The following SLC16A2 variants were observed in gnomAD, a reference collection of about 807,000 sequenced individuals.
The protein encoded by SLC16A2 is monocarboxylate transporter 8.
Under a neutral mutation model 27.2 loss-of-function variants are expected in SLC16A2, and 3 were observed. The observed-to-expected ratio is 0.11, with a 90% CI of 0.05 to 0.28. The LOEUF (loss-of-function observed/expected upper bound fraction) is 0.28, where lower values mean the gene tolerates loss of function less well. Among genes scored for constraint, SLC16A2 ranks in the 10% least tolerant of loss-of-function variants. SLC16A2 has a pLI of 1.00. For missense variants in SLC16A2, 295 were observed against 458.5 expected (o/e 0.64, Z 3.26); for synonymous variants, 202 against 187.8 (o/e 1.08, Z -0.62).
chrX:74,479,996 T>C (rs992255866), intron 1 of SLC16A2, among the ~76,000 whole-genome samples: 5 of 112,156 alleles, frequency 4.5e-5, no homozygotes, highest in African/African-American at 1.6e-4. Context: ...GGAGAACCAC[T>C]ACTCTCTTCA....
chrX:74,521,262 C>T, intron 2 of SLC16A2, 128 bp downstream of exon 2: 1 of 803,338 alleles, frequency 1.2e-6, no homozygotes, highest in South Asian at 2.2e-5. Flanking sequence ...CTCAAAGATC[C>T]TGCACCCTGG....
At chrX:74,494,353 A>G (rs1052168100) in intron 1 of SLC16A2, among the ~76,000 whole-genome samples, 3 of 111,484 alleles carry the variant, frequency 2.7e-5, no homozygotes, top group Non-Finnish European at 5.6e-5. Context: ...AGCTTCAACA[A>G]TTATCAGCGC....
intron 1 of SLC16A2, among the ~76,000 whole-genome samples, chrX:74,496,066 C>A (rs939425855): frequency 9.0e-6 from 1 of 111,650 alleles, no homozygotes; most frequent in African/African-American, 3.3e-5. Flanking sequence ...GAAGCAGGAA[C>A]TTTCCCCAGG....
chrX:74,475,285 G>C (rs1281384254), intron 1 of SLC16A2, among the ~76,000 whole-genome samples: 29 of 109,327 alleles, frequency 2.7e-4, no homozygotes, highest in African/African-American at 1.4e-4. Flanking sequence ...CTTCTTTTGA[G>C]AAGTGTCTGT....
chrX:74,492,555 T>C (rs1289861564), intron 1 of SLC16A2, among the ~76,000 whole-genome samples: 1 of 110,716 alleles, frequency 9.0e-6, no homozygotes, highest in East Asian at 2.9e-4. Flanking sequence ...CCAAGTCAGG[T>C]GATTCCTAGG....
chrX:74,517,498 C>A (rs1930334503), intron 1 of SLC16A2, among the ~76,000 whole-genome samples: 1 of 111,092 alleles, frequency 9.0e-6, no homozygotes, highest in Non-Finnish European at 1.9e-5. Context: ...TACAACTGAG[C>A]TACTTTTTTA....
At chrX:74,471,687 T>C (rs1235201016) in intron 1 of SLC16A2, among the ~76,000 whole-genome samples, 1 of 111,860 alleles carries the variant, frequency 8.9e-6, no homozygotes, top group Non-Finnish European at 1.9e-5. Flanking sequence ...TTAACCATTT[T>C]AAGTGTACAT....
chrX:74,468,133 C>G (rs142710407), intron 1 of SLC16A2, among the ~76,000 whole-genome samples: 35 of 111,590 alleles, frequency 3.1e-4, no homozygotes, highest in African/African-American at 1.1e-3. Flanking sequence ...ACAATTAACC[C>G]AACTAAAGTA....
chrX:74,476,667 C>A lies in SLC16A2; in HGVS notation c.431-44323C>A, dbSNP rs377716587. Reference sequence around the variant, plus strand: ...GATACATCCCATCAATACCTAATTTCTTGAGAGTTTTTAGCATGAAGGGCT... The same window carrying A: ...GATACATCCCATCAATACCTAATTTATTGAGAGTTTTTAGCATGAAGGGCT... On this transcript the variant is annotated intron_variant, in intron 1 of 5. Transcript: ENST00000587091. 6.9e-3 allele frequency among the ~76,000 whole-genome samples: 766 copies of A among 111,750 alleles called. 7 individuals carry two copies. The highest frequency in any genetic ancestry group is 0.024 in the African/African-American group (730 of 30,769).
intron 1 of SLC16A2, among the ~76,000 whole-genome samples, chrX:74,429,311 A>C (rs1476577929): frequency 9.0e-6 from 1 of 111,045 alleles, no homozygotes; most frequent in Non-Finnish European, 1.9e-5. Flanking sequence ...CTACAAAAAA[A>C]ATTTTTAAAA....
intron 1 of SLC16A2, among the ~76,000 whole-genome samples, chrX:74,515,402 C>A (rs1930302114): frequency 9.1e-6 from 1 of 110,120 alleles, no homozygotes; most frequent in Non-Finnish European, 1.9e-5. Context: ...CCTCAGATGC[C>A]TGTGAGGTTA....
intron 1 of SLC16A2, among the ~76,000 whole-genome samples, chrX:74,446,877 G>A (rs1928846593): frequency 1.8e-5 from 2 of 112,231 alleles, no homozygotes; most frequent in Non-Finnish European, 3.8e-5. Flanking sequence ...ACTTGCAGCA[G>A]AAGAAAATTA....
At chrX:74,462,798 A>T (rs1442131121) in intron 1 of SLC16A2, among the ~76,000 whole-genome samples, 1 of 111,839 alleles carries the variant, frequency 8.9e-6, no homozygotes, top group African/African-American at 3.3e-5. Context: ...TTTAGCAGAA[A>T]TTCATTAGGG....
At chrX:74,441,087 T>C (rs187198239) in intron 1 of SLC16A2, among the ~76,000 whole-genome samples, 59 of 107,752 alleles carry the variant, frequency 5.5e-4, no homozygotes, top group African/African-American at 1.8e-3. Flanking sequence ...AGACGGAGTC[T>C]GTCTCTGTCG....
chrX:74,530,980 G>A (rs773392655), intron 5 of SLC16A2, among the ~76,000 whole-genome samples: 2 of 111,910 alleles, frequency 1.8e-5, no homozygotes, highest in South Asian at 7.6e-4. Context: ...AGGGGGCGGG[G>A]GTAGGAGGCT....
At chrX:74,505,992 C>A (rs980136368) in intron 1 of SLC16A2, among the ~76,000 whole-genome samples, 1 of 112,308 alleles carries the variant, frequency 8.9e-6, no homozygotes, top group African/African-American at 3.2e-5. Flanking sequence ...GTTCGTCTGA[C>A]TCCTGCTGCT....
At chrX:74,496,981 A>G (rs773375879) in intron 1 of SLC16A2, among the ~76,000 whole-genome samples, 14 of 111,143 alleles carry the variant, frequency 1.3e-4, no homozygotes, top group Non-Finnish European at 2.3e-4. Flanking sequence ...TCCTCCACTG[A>G]TGCGCTCCTC....
At chrX:74,483,361 C>T (rs971449279) in intron 1 of SLC16A2, among the ~76,000 whole-genome samples, 20 of 111,566 alleles carry the variant, frequency 1.8e-4, no homozygotes, top group African/African-American at 5.9e-4. Flanking sequence ...ATTGGGTCTT[C>T]TCAAGTCTTC....
chrX:74,476,390 G>A (rs1271342992), intron 1 of SLC16A2, among the ~76,000 whole-genome samples: 1 of 111,954 alleles, frequency 8.9e-6, no homozygotes, highest in Non-Finnish European at 1.9e-5. Flanking sequence ...GAGACAATGG[G>A]ATTTTCTAGA....
Sources: gnomAD v4.1 joint callset for allele counts (sites outside exome capture counted in the v4.1 genomes callset) on GRCh38, gnomAD v4.1.1 for gene constraint, MANE v1.5 for transcripts, NCBI Gene and HGNC (gene_info 2026-07-23, HGNC 2026-07-21) for gene names.